SUGCT: variants seen among roughly 807,000 people sequenced by gnomAD.
SUGCT encodes succinyl-CoA:glutarate CoA-transferase.
SUGCT carries 41 observed loss-of-function variants against 55.0 expected under a neutral mutation model. That is an observed-to-expected ratio of 0.74 (90% CI 0.58 to 0.97). The LOEUF is 0.97. SUGCT is among the 50% of genes least tolerant of loss of function. SUGCT has a pLI of 0.00. For missense variants in SUGCT, 568 were observed against 547.8 expected (o/e 1.04, Z -0.37); for synonymous variants, 187 against 200.4 (o/e 0.93, Z 0.56).
chr7:40,614,150 T>A (rs1798891711), intron 12 of SUGCT, among the ~76,000 whole-genome samples: 1 of 151,854 alleles, frequency 6.6e-6, no homozygotes, highest in African/African-American at 2.4e-5. Flanking sequence ...AACTACATTA[T>A]CCAATTGACT....
the SUGCT span, among the ~76,000 whole-genome samples, chr7:40,999,602 G>T: frequency 6.6e-6 from 1 of 152,170 alleles, no homozygotes; most frequent in Non-Finnish European, 1.5e-5. Flanking sequence ...GTAGTAGAAT[G>T]CTGCTACTTT....
chr7:40,163,268 C>T (rs1348019790), intron 1 of SUGCT, among the ~76,000 whole-genome samples: 2 of 152,128 alleles, frequency 1.3e-5, no homozygotes, highest in East Asian at 3.8e-4. Context: ...AGTTCTTTTT[C>T]TGGCCTTTTT....
intron 9 of SUGCT, among the ~76,000 whole-genome samples, chr7:40,327,397 C>G (rs901026521): frequency 6.6e-6 from 1 of 152,200 alleles, no homozygotes; most frequent in African/African-American, 2.4e-5. Flanking sequence ...CTGCCACCCT[C>G]TGGGCTACTT....
At chr7:40,441,696 G>T (rs1351672348) in intron 9 of SUGCT, among the ~76,000 whole-genome samples, 1 of 152,184 alleles carries the variant, frequency 6.6e-6, no homozygotes, top group East Asian at 1.9e-4. Flanking sequence ...CAGTGTTACA[G>T]TAGAGAAAGA....
chr7:40,646,183 A>G (rs1274658897), intron 12 of SUGCT, among the ~76,000 whole-genome samples: 1 of 152,184 alleles, frequency 6.6e-6, no homozygotes, highest in East Asian at 1.9e-4. Flanking sequence ...TAACTCTATT[A>G]TGGCTTTCCC....
At chr7:40,340,086 C>G (rs1003155325) in intron 9 of SUGCT, among the ~76,000 whole-genome samples, 8 of 152,128 alleles carry the variant, frequency 5.3e-5, no homozygotes, top group Non-Finnish European at 1.0e-4. Flanking sequence ...CTGCCAGAAA[C>G]CAACTCAATA....
chr7:41,028,484 G>A, the SUGCT span, among the ~76,000 whole-genome samples: 2 of 152,148 alleles, frequency 1.3e-5, no homozygotes, highest in Non-Finnish European at 2.9e-5. Context: ...TCATCGCTGT[G>A]GGAGCATCAC....
intron 12 of SUGCT, among the ~76,000 whole-genome samples, chr7:40,642,445 A>C (rs1800312839): frequency 6.6e-6 from 1 of 152,070 alleles, no homozygotes; most frequent in Admixed American, 6.6e-5. Context: ...GAGGGTAAGG[A>C]GAAGGAAGGG....
At chr7:40,189,706 A>G (rs1785778674) in intron 5 of SUGCT, 112 bp downstream of exon 5, 1 of 394,218 alleles carries the variant, frequency 2.5e-6, no homozygotes, top group East Asian at 5.0e-5. Flanking sequence ...GTACGTTTGC[A>G]ACAAATACCT....
At chr7:40,238,115 C>T (rs572895091) in intron 7 of SUGCT, among the ~76,000 whole-genome samples, 1 of 152,250 alleles carries the variant, frequency 6.6e-6, no homozygotes, top group East Asian at 1.9e-4. Context: ...GACTAGACCA[C>T]GGATGTCCAT....
At chr7:40,875,062 G>T in the SUGCT span, among the ~76,000 whole-genome samples, 1 of 152,186 alleles carries the variant, frequency 6.6e-6, no homozygotes, top group African/African-American at 2.4e-5. Context: ...CAATTTCCTT[G>T]CACTCTGAGT....
chr7:40,381,264 G>A (rs1372317694), intron 9 of SUGCT, among the ~76,000 whole-genome samples: 1 of 151,804 alleles, frequency 6.6e-6, no homozygotes, highest in Non-Finnish European at 1.5e-5. Context: ...AGTAGTAATA[G>A]CAGTAGTGAT....
intron 7 of SUGCT, among the ~76,000 whole-genome samples, chr7:40,253,381 C>A (rs1485266315): frequency 6.6e-6 from 1 of 152,172 alleles, no homozygotes; most frequent in Non-Finnish European, 1.5e-5. Context: ...CTTTAGTTTT[C>A]TTCATAACAG....
At chr7:40,757,890 CA>C (rs989642917) in intron 13 of SUGCT, among the ~76,000 whole-genome samples, 16 of 152,022 alleles carry the variant, frequency 1.1e-4, no homozygotes, top group Non-Finnish European at 2.1e-4. Flanking sequence ...ACTGAGTGCA[CA>C]AAAAAGTCTT....
intron 12 of SUGCT, among the ~76,000 whole-genome samples, chr7:40,507,566 C>T (rs1240195447): frequency 4.6e-5 from 7 of 152,158 alleles, no homozygotes; most frequent in African/African-American, 1.7e-4. Context: ...GCCATTGCTT[C>T]TGAGAGGACC....
chr7:40,890,902 T>C, the SUGCT span, among the ~76,000 whole-genome samples: 1 of 152,118 alleles, frequency 6.6e-6, no homozygotes, highest in African/African-American at 2.4e-5. Context: ...TGAATACTGA[T>C]GGAAAACCAA....
At chr7:41,018,380 T>A in the SUGCT span, among the ~76,000 whole-genome samples, 2 of 152,154 alleles carry the variant, frequency 1.3e-5, no homozygotes, top group Non-Finnish European at 2.9e-5. Context: ...CTCACTTCTC[T>A]CTTTCCTCAC....
chr7:40,376,552 C>G (rs377167477), intron 9 of SUGCT, among the ~76,000 whole-genome samples: 3 of 151,948 alleles, frequency 2.0e-5, no homozygotes, highest in African/African-American at 4.8e-5. Context: ...CCACCATGCC[C>G]GGCTAATTTT....
chr7:40,663,782 A>C (rs1436688143), intron 12 of SUGCT, among the ~76,000 whole-genome samples: 2 of 152,176 alleles, frequency 1.3e-5, no homozygotes. Flanking sequence ...AGGGTAATCC[A>C]TGGCCCAGCA....
Sources: allele counts gnomAD v4.1 joint callset (sites outside exome capture counted in the v4.1 genomes callset), GRCh38; gene constraint gnomAD v4.1.1; transcripts MANE v1.5; gene names NCBI Gene and HGNC (gene_info 2026-07-23, HGNC 2026-07-21).